The following HACD4 variants were observed in gnomAD, a reference collection of about 807,000 sequenced individuals.
HACD4 encodes 3-hydroxyacyl-CoA dehydratase 4, also known as very-long-chain (3R)-3-hydroxyacyl-CoA dehydratase 4.
Under a neutral mutation model 33.3 loss-of-function variants are expected in HACD4, and 35 were observed. The ratio of observed to expected loss-of-function variants is 1.05; its 90% CI spans 0.80 to 1.39. The LOEUF is 1.39. Ranked by LOEUF, HACD4 falls within the 40% of genes most tolerant of loss-of-function variation. HACD4 has a pLI of 0.00. For missense variants in HACD4, 323 were observed against 276.5 expected, an observed-to-expected ratio of 1.17 and a Z score of -1.19; for synonymous variants, 118 against 98.0, an observed-to-expected ratio of 1.20 and a Z score of -1.21.
In HACD4 at chr9:21,000,108, A is replaced by G. The variant is rs1480431534; in HGVS notation, c.*6929T>C. 6.6e-6 allele frequency: 1 copy of G among 152,196 alleles called. No individual in the cohort carries two copies. The highest frequency in any genetic ancestry group is 6.5e-5 in the Admixed American group (1 of 15,272). 9.4% of individuals were successfully genotyped at this position (152,196 alleles called of 1,614,324 possible). A position where few individuals can be genotyped will look rare whatever the true frequency, so the allele number is the denominator to read the frequency against. ...CAAGAACCCCATCATTCAGCTGAAT[A>G]CCATGAAGTAACAATAGACACCTAC... is the stretch of plus-strand genomic sequence containing the variant. On this transcript the variant is annotated 3_prime_UTR_variant, in exon 7 of 7. Transcript: ENST00000495827.
chr9:21,026,538 A>T, intron 3 of HACD4, 58 bp downstream of exon 3: 1 of 1,433,880 alleles, frequency 7.0e-7, no homozygotes. Context: ...GAGAAGCTTT[A>T]AAGAGAAAAA....
chr9:21,029,238 A>G, intron 2 of HACD4, 57 bp downstream of exon 2: 1 of 939,408 alleles, frequency 1.1e-6, no homozygotes, highest in South Asian at 1.4e-5. Context: ...TATAAGCAGG[A>G]TGAGGTGAAA....
At chr9:21,008,561 A>C (rs540556582) in intron 5 of HACD4, among the ~76,000 whole-genome samples, 1 of 152,256 alleles carries the variant, frequency 6.6e-6, no homozygotes, top group East Asian at 1.9e-4. Context: ...GAAATTCTGT[A>C]ATAAAAAAAT....
At chr9:21,026,546 A>C (rs1292537574) in intron 3 of HACD4, 50 bp downstream of exon 3, 1 of 1,493,238 alleles carries the variant, frequency 6.7e-7, no homozygotes, top group Non-Finnish European at 9.1e-7. Context: ...TTAAAGAGAA[A>C]AAATGTAAAA....
At chr9:21,009,567 A>T (rs574255686) in intron 5 of HACD4, among the ~76,000 whole-genome samples, 3 of 152,302 alleles carry the variant, frequency 2.0e-5, no homozygotes, top group Admixed American at 2.0e-4. Context: ...GGCAAATCAT[A>T]ATTGTATACA....
intron 1 of HACD4, among the ~76,000 whole-genome samples, chr9:21,029,810 AC>A (rs1818160071): frequency 6.6e-6 from 1 of 152,344 alleles, no homozygotes; most frequent in South Asian, 2.1e-4. Flanking sequence ...ACTGTGGAGT[AC>A]CGGTTGTTTA....
chr9:21,028,088 T>A (rs1234487706), intron 2 of HACD4, among the ~76,000 whole-genome samples: 32 of 136,572 alleles, frequency 2.3e-4, no homozygotes, highest in African/African-American at 8.9e-4. Flanking sequence ...TGAGGTGACA[T>A]CGTACCATTG....
chr9:21,012,746 G>A (rs10511696), intron 4 of HACD4, among the ~76,000 whole-genome samples: 73,226 of 151,976 alleles, frequency 0.48, 18,728 homozygotes, highest in East Asian at 0.72. Context: ...TTAGAAGAGT[G>A]GGTAAGCATG....
rs1285944331 is a variant in HACD4 at position 21,005,440 on chromosome 9, A to G, written c.*1597T>C. The G allele has an allele frequency of 6.6e-6, 1 of 152,234 alleles. No individual in the cohort carries two copies. The highest frequency in any genetic ancestry group is 1.9e-4 in the East Asian group (1 of 5,194). 9.4% of individuals were successfully genotyped at this position (152,234 alleles called of 1,614,324 possible). A position where few individuals can be genotyped will look rare whatever the true frequency, so the allele number is the denominator to read the frequency against. On this transcript the variant is annotated 3_prime_UTR_variant, in exon 7 of 7. Coordinates refer to ENST00000495827, the MANE Select transcript of HACD4 (RefSeq NM_001010915.5). The surrounding 1 kb of genome is among the most constrained non-coding windows in gnomAD (Gnocchi z 4.0). ...TTATGTGGGTGTGAACCACAGACCTAATCAGCCACCCCAGCAGGAACACTG... is the reference window on the plus strand; with the variant it reads ...TTATGTGGGTGTGAACCACAGACCTGATCAGCCACCCCAGCAGGAACACTG...
Position 21,008,163 on chromosome 9 carries a change from G to A in HACD4, c.491-17C>T. The A allele has an allele frequency of 6.3e-7, 1 of 1,599,010 alleles. No homozygotes were observed. Among genetic ancestry groups the A allele is most frequent in the Non-Finnish European group, 8.5e-7 (1 of 1,173,238 alleles). Reference sequence around the variant, plus strand: ...TGGCAAATGCTGTTAAAAAAGAAAGGCATCATAAAGGTATTCCTCCTTAAG... The same window carrying A: ...TGGCAAATGCTGTTAAAAAAGAAAGACATCATAAAGGTATTCCTCCTTAAG... On this transcript the variant is annotated splice_polypyrimidine_tract_variant and intron_variant, in intron 5 of 6. Transcript: ENST00000495827.
intron 3 of HACD4, among the ~76,000 whole-genome samples, chr9:21,021,699 A>C (rs1340113462): frequency 3.3e-5 from 5 of 152,186 alleles, no homozygotes; most frequent in African/African-American, 9.7e-5. Flanking sequence ...TTCAAGGAGA[A>C]CTACAAACCA....
intron 3 of HACD4, 112 bp from the exon 4 acceptor site, chr9:21,016,122 T>G: frequency 1.5e-6 from 1 of 675,774 alleles, no homozygotes; most frequent in Non-Finnish European, 2.6e-6. Context: ...GCTGGAAATA[T>G]GTATACTAAA....
Position 21,008,110 on chromosome 9 carries a change from G to T in HACD4, c.527C>A (p.Ser176Ter). 2 of 1,609,786 alleles carry T rather than the reference G, an allele frequency of 1.2e-6. No individual in the cohort carries two copies. Among genetic ancestry groups the T allele is most frequent in the Admixed American group, 3.4e-5 (2 of 59,358 alleles). ...AIYQSLPYFE[S>*]FGTYSTKLPF... is the part of the protein sequence containing the mutation. ...CAGCTTGGTGGAATAAGTGCCAAAT[G>T]ATTCAAAATAAGGCAGCGATTGATA... Residue 176 changes from serine to a stop codon, truncating the protein, a stop_gained, in exon 6 of 7, where the codon TCA becomes TAA. Coordinates refer to ENST00000495827, the MANE Select transcript of HACD4 (RefSeq NM_001010915.5). LOFTEE classifies it high-confidence loss of function.
At chr9:21,023,619 G>C (rs1817988325) in intron 3 of HACD4, among the ~76,000 whole-genome samples, 1 of 144,564 alleles carries the variant, frequency 6.9e-6, no homozygotes, top group African/African-American at 2.6e-5. Context: ...CCGTCACCCA[G>C]GCTGGAGTGC....
chr9:21,013,074 A>T (rs1350370139), intron 4 of HACD4, among the ~76,000 whole-genome samples: 1 of 151,894 alleles, frequency 6.6e-6, no homozygotes, highest in Non-Finnish European at 1.5e-5. Context: ...CTCAAAAAAA[A>T]AAAAAAAAAG....
In HACD4 at chr9:21,022,158, A is replaced by G. The variant is rs143788679; in HGVS notation, c.270+4438T>C. On this transcript the variant is annotated intron_variant, in intron 3 of 6. Transcript: ENST00000495827. ...GATTCCCTATTTAATAAATGGTGCT[A>G]GGAAAACTGGCTAGCCATATGTAGC... Among the ~76,000 whole-genome samples, 1,122 of 152,276 alleles carry G rather than the reference A, an allele frequency of 7.4e-3. 7 individuals carry two copies. The highest frequency in any genetic ancestry group is 0.012 in the Non-Finnish European group (817 of 67,992).
rs559338757 is a variant in HACD4 at position 21,000,341 on chromosome 9, T to A, written c.*6696A>T. On this transcript the variant is annotated 3_prime_UTR_variant, in exon 7 of 7. Transcript: ENST00000495827. ...AAAATCATCCCTGTTCTGAAAACAT[T>A]GGTGGCTTTTATATAAGTAGTTCTT... is the stretch of plus-strand genomic sequence containing the variant. The A allele has an allele frequency of 6.6e-5, 10 of 152,176 alleles. No homozygotes were observed. Among genetic ancestry groups the A allele is most frequent in the Admixed American group, 2.0e-4 (3 of 15,262 alleles). 9.4% of individuals were successfully genotyped at this position (152,176 alleles called of 1,614,324 possible).
chr9:21,031,463 GCCGC>G (rs1315838887), intron 1 of HACD4, 86 bp downstream of exon 1: 107 of 1,349,052 alleles, frequency 7.9e-5, no homozygotes, highest in South Asian at 2.3e-4. Context: ...GGCGGGGGGT[GCCGC>G]CCGCCCGCCC....
chr9:21,026,523 G>C (rs937085272), intron 3 of HACD4, 73 bp downstream of exon 3: 2 of 1,293,102 alleles, frequency 1.5e-6, no homozygotes, highest in Admixed American at 2.1e-5. Flanking sequence ...CTGCCATAAA[G>C]TCAAGAGAAG....
Sources: allele counts gnomAD v4.1 joint callset (sites outside exome capture counted in the v4.1 genomes callset), GRCh38; gene constraint gnomAD v4.1.1; non-coding constraint Gnocchi (gnomAD v3.1); transcripts MANE v1.5; gene names NCBI Gene and HGNC (gene_info 2026-07-23, HGNC 2026-07-21).